Variants in KHDRBS2 observed in about 807,000 individuals in gnomAD.
The protein encoded by KHDRBS2 is KH domain-containing, RNA-binding, signal transduction-associated protein 2.
In KHDRBS2, 26 loss-of-function variants were observed where a neutral mutation model predicts 44.3. The ratio of observed to expected loss-of-function variants is 0.59; its 90% CI spans 0.43 to 0.81. The LOEUF is 0.81. Ranked by LOEUF, KHDRBS2 falls within the 40% of genes least tolerant of loss-of-function variation. The pLI, the probability that KHDRBS2 is intolerant of heterozygous loss-of-function variation, is 0.00. For synonymous variants in KHDRBS2, 194 were observed against 151.1 expected (o/e 1.28, Z -2.08); for missense variants, 476 against 433.1 (o/e 1.10, Z -0.88).
intron 2 of KHDRBS2, among the ~76,000 whole-genome samples, chr6:62,168,654 A>G (rs534373907): frequency 1.3e-5 from 2 of 152,276 alleles, no homozygotes; most frequent in South Asian, 4.1e-4. Context: ...CAAGGGTAAT[A>G]ATTGTCTTCA....
At chr6:62,231,663 A>C (rs1049069281) in intron 1 of KHDRBS2, among the ~76,000 whole-genome samples, 1 of 152,224 alleles carries the variant, frequency 6.6e-6, no homozygotes, top group Non-Finnish European at 1.5e-5. Context: ...TATGCATATC[A>C]GGTGCAGCTG....
At chr6:61,753,223 C>T (rs1162703033) in intron 6 of KHDRBS2, among the ~76,000 whole-genome samples, 1 of 152,128 alleles carries the variant, frequency 6.6e-6, no homozygotes, top group Admixed American at 6.6e-5. Flanking sequence ...TGTCTTTCAG[C>T]CACCTCCACT....
intron 1 of KHDRBS2, among the ~76,000 whole-genome samples, chr6:62,182,465 G>A (rs1384912398): frequency 1.3e-5 from 2 of 151,456 alleles, no homozygotes; most frequent in Non-Finnish European, 2.9e-5. Flanking sequence ...TGTATTAAGT[G>A]TTTTACCACA....
At chr6:61,920,591 G>A (rs1807904787) in intron 4 of KHDRBS2, among the ~76,000 whole-genome samples, 1 of 151,888 alleles carries the variant, frequency 6.6e-6, no homozygotes, top group Non-Finnish European at 1.5e-5. Context: ...AGAATCTTTG[G>A]ACTACAACAA....
At chr6:62,023,744 T>C (rs1370148911) in intron 3 of KHDRBS2, among the ~76,000 whole-genome samples, 1 of 151,450 alleles carries the variant, frequency 6.6e-6, no homozygotes, top group East Asian at 1.9e-4. Context: ...CAGCAAATTA[T>C]ATGTAATATG....
At chr6:62,214,379 C>T (rs1563075881) in intron 1 of KHDRBS2, among the ~76,000 whole-genome samples, 1 of 151,992 alleles carries the variant, frequency 6.6e-6, no homozygotes. Flanking sequence ...AGAATCATGA[C>T]CCTAGAAAAC....
intron 2 of KHDRBS2, among the ~76,000 whole-genome samples, chr6:62,088,446 ACAGT>A (rs749262123): frequency 6.6e-5 from 10 of 152,016 alleles, no homozygotes; most frequent in Non-Finnish European, 1.3e-4. Flanking sequence ...TTTCCTTCTA[ACAGT>A]CAGGCCCTTC....
At chr6:61,987,685 G>C (rs1285354592) in intron 3 of KHDRBS2, among the ~76,000 whole-genome samples, 1 of 152,130 alleles carries the variant, frequency 6.6e-6, no homozygotes, top group African/African-American at 2.4e-5. Context: ...GGCATATGTG[G>C]AAATTCTTTC....
the KHDRBS2 span, among the ~76,000 whole-genome samples, chr6:61,564,855 A>G: frequency 6.6e-6 from 1 of 152,172 alleles, no homozygotes; most frequent in Non-Finnish European, 1.5e-5. Context: ...AGCAAAAAGA[A>G]CAAAGATGGA....
chr6:61,879,627 G>C (rs1799931448), intron 6 of KHDRBS2, among the ~76,000 whole-genome samples: 1 of 151,878 alleles, frequency 6.6e-6, no homozygotes, highest in Non-Finnish European at 1.5e-5. Flanking sequence ...ACAGAGAATG[G>C]AGAGTCCATA....
intron 6 of KHDRBS2, among the ~76,000 whole-genome samples, chr6:61,842,217 CA>C (rs1793703777): frequency 6.6e-6 from 1 of 152,150 alleles, no homozygotes; most frequent in Non-Finnish European, 1.5e-5. Flanking sequence ...AAGGTCAGAA[CA>C]TCAGTTTAGT....
At chr6:62,085,053 T>C (rs1562820574) in intron 2 of KHDRBS2, among the ~76,000 whole-genome samples, 1 of 152,088 alleles carries the variant, frequency 6.6e-6, no homozygotes, top group Non-Finnish European at 1.5e-5. Flanking sequence ...CAATAGTAAA[T>C]TTCCAAGAAA....
chr6:62,154,897 T>C (rs1382466041), intron 2 of KHDRBS2, among the ~76,000 whole-genome samples: 1 of 152,182 alleles, frequency 6.6e-6, no homozygotes, highest in Non-Finnish European at 1.5e-5. Flanking sequence ...GAAGGGACCA[T>C]GCAAGTCATA....
chr6:62,197,572 C>A (rs890530732), intron 1 of KHDRBS2, among the ~76,000 whole-genome samples: 1 of 151,984 alleles, frequency 6.6e-6, no homozygotes, highest in Non-Finnish European at 1.5e-5. Context: ...TTTCCTGAAC[C>A]CAGTTTTTCA....
chr6:61,592,854 C>T, the KHDRBS2 span, among the ~76,000 whole-genome samples: 1 of 152,106 alleles, frequency 6.6e-6, no homozygotes, highest in Non-Finnish European at 1.5e-5. Context: ...CAAACTCAGT[C>T]TTGAGAATAT....
intron 2 of KHDRBS2, among the ~76,000 whole-genome samples, chr6:62,105,756 G>A (rs1298627003): frequency 1.3e-5 from 2 of 151,800 alleles, no homozygotes; most frequent in Non-Finnish European, 2.9e-5. Context: ...TTTTTGAAGG[G>A]TTTTTTGTGT....
chr6:61,576,673 CAAAAT>C, the KHDRBS2 span, among the ~76,000 whole-genome samples: 1 of 152,054 alleles, frequency 6.6e-6, no homozygotes, highest in African/African-American at 2.4e-5. Flanking sequence ...GTAGCTGACA[CAAAAT>C]AAACTGTACA....
At chr6:61,769,200 T>C (rs1780447245) in intron 6 of KHDRBS2, among the ~76,000 whole-genome samples, 1 of 152,016 alleles carries the variant, frequency 6.6e-6, no homozygotes, top group Admixed American at 6.5e-5. Context: ...GATGGCCAAA[T>C]AGGAACAGCT....
chr6:62,231,417 TACTC>T (rs1046108013), intron 1 of KHDRBS2, among the ~76,000 whole-genome samples: 5 of 152,066 alleles, frequency 3.3e-5, no homozygotes, highest in Non-Finnish European at 7.4e-5. Flanking sequence ...CATGAGAACT[TACTC>T]ACTATCAGCA....
Sources: allele counts gnomAD v4.1 joint callset (sites outside exome capture counted in the v4.1 genomes callset), GRCh38; gene constraint gnomAD v4.1.1; transcripts MANE v1.5; gene names NCBI Gene and HGNC (gene_info 2026-07-23, HGNC 2026-07-21).